The following CREBBP variants were observed in gnomAD, a reference collection of about 807,000 sequenced individuals.
CREBBP encodes the protein CREB-binding protein.
CREBBP carries 19 observed loss-of-function variants against 265.0 expected under a neutral mutation model. The observed-to-expected ratio is 0.07, with a 90% CI of 0.05 to 0.11. The LOEUF (loss-of-function observed/expected upper bound fraction) is 0.11, where lower values mean the gene tolerates loss of function less well. Among genes scored for constraint, CREBBP ranks in the 10% least tolerant of loss-of-function variants. CREBBP has a pLI of 1.00. For missense variants in CREBBP, 2,525 were observed against 3,219.0 expected, an observed-to-expected ratio of 0.78 and a Z score of 5.22; for synonymous variants, 1,457 against 1,223.7, an observed-to-expected ratio of 1.19 and a Z score of -3.98.
At chr16:3,755,670 G>C (rs2052569535) in intron 19 of CREBBP, among the ~76,000 whole-genome samples, 1 of 152,310 alleles carries the variant, frequency 6.6e-6, no homozygotes, top group African/African-American at 2.4e-5. Flanking sequence ...CCAAAGAGCA[G>C]CAAGTCACTA....
chr16:3,836,433 C>CAAAAAAAAA (rs564007443), intron 2 of CREBBP, among the ~76,000 whole-genome samples: 28 of 53,186 alleles, frequency 5.3e-4, no homozygotes, highest in East Asian at 1.7e-3. Flanking sequence ...GACTGTGTCT[C>CAAAAAAAAA]AAAAAAAAAA....
At chr16:3,826,545 G>A (rs185553516) in intron 2 of CREBBP, among the ~76,000 whole-genome samples, 13 of 152,204 alleles carry the variant, frequency 8.5e-5, no homozygotes, top group Admixed American at 7.2e-4. Context: ...TCAAAGTGAC[G>A]TGGTAAAAAT....
Position 3,726,233 on chromosome 16 carries a change from C to T in CREBBP, c.*1485G>A, listed in dbSNP as rs1230058357. The stretch of plus-strand genomic sequence containing the variant: ...ACTCTCTGCCTCAGATTCTGGGAGT[C>T]GTGTACGGGGGGGGGGAGCCGCCTG... On this transcript the variant is annotated 3_prime_UTR_variant, in exon 31 of 31. Transcript: ENST00000262367. 2 of 202,904 alleles carry T rather than the reference C, an allele frequency of 9.9e-6. No homozygotes were observed. Among genetic ancestry groups the T allele is most frequent in the Admixed American group, 1.5e-4 (2 of 13,442 alleles). 12.6% of individuals were successfully genotyped at this position (202,904 alleles called of 1,614,324 possible).
chr16:3,733,269 G>A (rs1322594134), intron 28 of CREBBP, among the ~76,000 whole-genome samples: 1 of 151,628 alleles, frequency 6.6e-6, no homozygotes, highest in Non-Finnish European at 1.5e-5. Context: ...GGCTGAGGCA[G>A]GAGAATGGTG....
At chr16:3,862,181 G>A (rs1244546791) in intron 1 of CREBBP, among the ~76,000 whole-genome samples, 1 of 152,182 alleles carries the variant, frequency 6.6e-6, no homozygotes, top group Non-Finnish European at 1.5e-5. Flanking sequence ...GTGGAATAAG[G>A]CAGTGAACAA....
chr16:3,845,534 A>G (rs2141465860), intron 2 of CREBBP, among the ~76,000 whole-genome samples: 1 of 152,322 alleles, frequency 6.6e-6, no homozygotes, highest in Non-Finnish European at 1.5e-5. Flanking sequence ...ATAACAAGAA[A>G]AAATATATAC....
chr16:3,849,424 T>TGTGTGTGTGTGTGTG (rs2054747550), intron 2 of CREBBP, among the ~76,000 whole-genome samples: 2 of 7,402 alleles, frequency 2.7e-4, no homozygotes, highest in African/African-American at 3.3e-4. Context: ...TGTGTGTGTG[T>TGTGTGTGTGTGTGTG]GTGTGTGTGT....
intron 16 of CREBBP, among the ~76,000 whole-genome samples, chr16:3,765,098 C>T (rs1023798506): frequency 2.0e-5 from 3 of 152,028 alleles, no homozygotes; most frequent in Non-Finnish European, 4.4e-5. Context: ...CTCAGCCTCC[C>T]GAGCAGCTGG....
In CREBBP at chr16:3,729,013, C is replaced by T. The variant is rs765101871; in HGVS notation, c.6034G>A (p.Val2012Ile). The T allele has an allele frequency of 6.9e-6, 11 of 1,591,504 alleles. No individual in the cohort carries two copies. Among genetic ancestry groups the T allele is most frequent in the African/African-American group, 2.7e-5 (2 of 74,662 alleles). ...VPRPNQVSGP[V>I]MPSMPPGQWQ... ...TGCCCGGGAGGCATGCTGGGCATGACGGGCCCGCTCACCTGGTTGGGTCGG... is the reference window on the plus strand; with the variant it reads ...TGCCCGGGAGGCATGCTGGGCATGATGGGCCCGCTCACCTGGTTGGGTCGG... Residue 2012 changes from valine to isoleucine, a missense_variant, in exon 31 of 31, where the codon GTC (valine) becomes ATC (isoleucine). Coordinates refer to ENST00000262367, the MANE Select transcript of CREBBP (RefSeq NM_004380.3).
chr16:3,767,733 C>G lies in CREBBP; in HGVS notation c.3237G>C (p.Gln1079His), dbSNP rs1235208409. 6.2e-7 allele frequency: 1 copy of G among 1,614,218 alleles called. No homozygotes were observed. Among genetic ancestry groups the G allele is most frequent in the South Asian group, 1.1e-5 (1 of 91,084 alleles). ...TAAATGGCCTACTTTTTTTGCGCGG[C>G]TGCGAAGGAGATGTTGACTGAGAGG... The part of the protein sequence containing the change: ...GTASQSTSPS[Q>H]PRKKIFKPEE... The change falls in exon 16 of 31, where the codon CAG becomes CAC. Residue 1079 changes from glutamine to histidine, a missense_variant. Physicochemically the swap from Gln to His is conservative, Grantham distance 24. Coordinates refer to ENST00000262367, the MANE Select transcript of CREBBP (RefSeq NM_004380.3).
chr16:3,844,840 A>T (rs912085459), intron 2 of CREBBP, among the ~76,000 whole-genome samples: 1 of 152,206 alleles, frequency 6.6e-6, no homozygotes, highest in Non-Finnish European at 1.5e-5. Flanking sequence ...CATCACCAAC[A>T]GCAACAAAAA....
intron 12 of CREBBP, among the ~76,000 whole-genome samples, chr16:3,774,233 A>G (rs1046279542): frequency 5.3e-5 from 8 of 152,220 alleles, no homozygotes; most frequent in African/African-American, 1.9e-4. Flanking sequence ...TAAAGTGTTT[A>G]GAAAGCAGCC....
intron 2 of CREBBP, among the ~76,000 whole-genome samples, chr16:3,816,071 CT>C (rs2054031967): frequency 6.6e-6 from 1 of 152,130 alleles, no homozygotes; most frequent in Non-Finnish European, 1.5e-5. Context: ...TTCTTTTACT[CT>C]GTTCTTCCTA....
At chr16:3,801,651 CAA>C (rs2053715559) in intron 3 of CREBBP, among the ~76,000 whole-genome samples, 1 of 152,086 alleles carries the variant, frequency 6.6e-6, no homozygotes, top group African/African-American at 2.4e-5. Context: ...GCTTGTGCAA[CAA>C]GAGCAACATT....
chr16:3,879,720 G>C, intron 1 of CREBBP, 112 bp downstream of exon 1: 1 of 1,169,906 alleles, frequency 8.5e-7, no homozygotes, highest in Non-Finnish European at 1.2e-6. Context: ...TGCGGGGCCT[G>C]CTCCGAGCTC....
At chr16:3,819,355 C>A (rs1054439887) in intron 2 of CREBBP, among the ~76,000 whole-genome samples, 2 of 152,198 alleles carry the variant, frequency 1.3e-5, no homozygotes, top group Admixed American at 1.3e-4. Context: ...TTCCTATATG[C>A]GAAGCACTAA....
intron 4 of CREBBP, 51 bp from the exon 5 acceptor site, chr16:3,792,145 C>G: frequency 1.4e-6 from 2 of 1,383,388 alleles, no homozygotes; most frequent in Non-Finnish European, 2.1e-6. Context: ...AATCGTCACA[C>G]TTTCAATTAT....
At chr16:3,737,492 T>C (rs1449574700) in intron 26 of CREBBP, among the ~76,000 whole-genome samples, 3 of 151,698 alleles carry the variant, frequency 2.0e-5, no homozygotes, top group Non-Finnish European at 4.4e-5. Flanking sequence ...AGAGTTTCAT[T>C]GTTGTTGCCC....
Position 3,819,239 on chromosome 16 carries a change from C to T in CREBBP, c.799-8460G>A, listed in dbSNP as rs117170455. 4.8e-4 allele frequency among the ~76,000 whole-genome samples: 73 copies of T among 152,384 alleles called. 1 individual carries two copies. The East Asian group carries it at 0.014, about 29-fold the overall frequency. On this transcript the variant is annotated intron_variant, in intron 2 of 30. Transcript: ENST00000262367. Reference sequence around the variant, plus strand: ...TCTGGGGATATCTGAATGGCGACTCCACCACTTGCTAGGGATTTACTTAAA... The same window carrying T: ...TCTGGGGATATCTGAATGGCGACTCTACCACTTGCTAGGGATTTACTTAAA...
Sources: allele counts gnomAD v4.1 joint callset (sites outside exome capture counted in the v4.1 genomes callset), GRCh38; gene constraint gnomAD v4.1.1; transcripts MANE v1.5; gene names NCBI Gene and HGNC (gene_info 2026-07-23, HGNC 2026-07-21).